The following HTR7 variants were observed in gnomAD, a reference collection of about 807,000 sequenced individuals.
HTR7 encodes the protein 5-HT-7.
Under a neutral mutation model 34.0 loss-of-function variants are expected in HTR7, and 16 were observed. The observed-to-expected ratio is 0.47, with a 90% CI of 0.32 to 0.71. The LOEUF is 0.71. HTR7 is among the 30% of genes least tolerant of loss of function. HTR7 has a pLI of 0.04. For missense variants in HTR7, 504 were observed against 625.5 expected (o/e 0.81, Z 2.07); for synonymous variants, 265 against 260.2 (o/e 1.02, Z -0.18).
In HTR7 at chr10:90,758,811, G is replaced by GA. The variant is rs901667417; in HGVS notation, c.540-9218dup. Among the ~76,000 whole-genome samples the GA allele has an allele frequency of 1.3e-4, 20 of 152,054 alleles. 1 individual carries two copies. The highest frequency in any genetic ancestry group is 2.6e-4 in the Admixed American group (4 of 15,274). ...AAAAAATCAGAAAATATGCAAGGTA[G>GA]AAAAAAAATCAGGCTGATTCTCAAC... On this transcript the variant is annotated intron_variant, in intron 1 of 3. Transcript: ENST00000336152.
Position 90,749,799 on chromosome 10 carries a change from T to C in HTR7, c.540-205A>G, listed in dbSNP as rs1348302627. Among the ~76,000 whole-genome samples the C allele has an allele frequency of 6.6e-6, 1 of 152,230 alleles. No individual in the cohort carries two copies. Among genetic ancestry groups the C allele is most frequent in the Non-Finnish European group, 1.5e-5 (1 of 68,038 alleles). On this transcript the variant is annotated intron_variant, in intron 1 of 3. Transcript: ENST00000336152. This position sits in a 1 kb window ranked among gnomAD's most constrained non-coding sequence, Gnocchi z 4.2. ...GTCACACAGAGGCATTGCCAGATTGTAGCCTGAGAGCCCTCTGACTCTAAA... is the reference window on the plus strand; with the variant it reads ...GTCACACAGAGGCATTGCCAGATTGCAGCCTGAGAGCCCTCTGACTCTAAA...
chr10:90,745,820 T>A (rs550674620), intron 2 of HTR7, among the ~76,000 whole-genome samples: 26 of 152,164 alleles, frequency 1.7e-4, no homozygotes, highest in Non-Finnish European at 3.4e-4. Flanking sequence ...AAATTACTCA[T>A]CAGTGAGATG....
rs1236540862 is a variant in HTR7 at position 90,857,204 on chromosome 10, A to G, written c.468T>C (p.Asn156=). 6.2e-7 allele frequency: 1 copy of G among 1,613,890 alleles called. No homozygotes were observed. The highest frequency in any genetic ancestry group is 8.5e-7 in the Non-Finnish European group (1 of 1,179,982). Residue 156 remains asparagine (N), a synonymous_variant, in exon 1 of 4, where the codon AAT becomes AAC. Transcript: ENST00000336152. The surrounding 1 kb of genome is among the most constrained non-coding windows in gnomAD (Gnocchi z 6.5). ...ACATGACGTCCATGGCGATGAAGAC[A>G]TTACAGAAAAAGTGTCCAAAGATCC... ...GKWIFGHFFC[N]VFIAMDVMCC...
At chr10:90,771,796 C>T (rs1161691782) in intron 1 of HTR7, among the ~76,000 whole-genome samples, 1 of 152,096 alleles carries the variant, frequency 6.6e-6, no homozygotes, top group Non-Finnish European at 1.5e-5. Context: ...CCTGCCAGGC[C>T]GAGTGGGCAG....
intron 1 of HTR7, among the ~76,000 whole-genome samples, chr10:90,819,525 A>C (rs1845946003): frequency 6.6e-6 from 1 of 152,118 alleles, no homozygotes; most frequent in African/African-American, 2.4e-5. Flanking sequence ...TTCTCCTAAA[A>C]TATCCATTGA....
chr10:90,810,083 G>C (rs1845780370), intron 1 of HTR7, among the ~76,000 whole-genome samples: 1 of 152,134 alleles, frequency 6.6e-6, no homozygotes, highest in African/African-American at 2.4e-5. Flanking sequence ...TGACGGCCAG[G>C]TTTCTAAACC....
intron 1 of HTR7, among the ~76,000 whole-genome samples, chr10:90,753,722 G>T (rs915664526): frequency 2.6e-5 from 4 of 151,660 alleles, no homozygotes; most frequent in Admixed American, 2.0e-4. Flanking sequence ...ATCAATAGGA[G>T]ATTAGATATG....
At chr10:90,786,312 T>C (rs1163115714) in intron 1 of HTR7, among the ~76,000 whole-genome samples, 1 of 152,218 alleles carries the variant, frequency 6.6e-6, no homozygotes, top group Non-Finnish European at 1.5e-5. Flanking sequence ...GAAAATGCTG[T>C]GGTTCTCCCC....
At chr10:90,747,849 T>C (rs1844664363) in intron 2 of HTR7, among the ~76,000 whole-genome samples, 1 of 152,214 alleles carries the variant, frequency 6.6e-6, no homozygotes, top group Admixed American at 6.5e-5. Flanking sequence ...ATTTTTCCCC[T>C]GACTTTCAAA....
chr10:90,824,454 T>C (rs926901624), intron 1 of HTR7, among the ~76,000 whole-genome samples: 1 of 152,100 alleles, frequency 6.6e-6, no homozygotes, highest in Non-Finnish European at 1.5e-5. Flanking sequence ...TTCCCAGCTG[T>C]GGTAGCCAAG....
intron 1 of HTR7, among the ~76,000 whole-genome samples, chr10:90,764,112 C>A (rs1844981147): frequency 6.6e-6 from 1 of 152,138 alleles, no homozygotes; most frequent in East Asian, 1.9e-4. Context: ...ACAGGCTCAC[C>A]AGAATCTATT....
chr10:90,804,576 A>G (rs997664618), intron 1 of HTR7, among the ~76,000 whole-genome samples: 1 of 152,054 alleles, frequency 6.6e-6, no homozygotes, highest in Admixed American at 6.5e-5. Flanking sequence ...AGCTGAGCAA[A>G]ACGAGCCACC....
At chr10:90,750,918 G>A (rs1310396354) in intron 1 of HTR7, among the ~76,000 whole-genome samples, 3 of 152,170 alleles carry the variant, frequency 2.0e-5, no homozygotes, top group African/African-American at 7.2e-5. Context: ...TTACTGGACA[G>A]GTTCTGTTCC....
chr10:90,837,446 A>C (rs1256374906), intron 1 of HTR7, among the ~76,000 whole-genome samples: 1 of 152,194 alleles, frequency 6.6e-6, no homozygotes, highest in African/African-American at 2.4e-5. Context: ...TAATGTCACT[A>C]CCATGGGAGT....
At position 90,852,575 on chromosome 10, in the gene HTR7, C is replaced by T. The variant is rs1180715846; in HGVS notation, c.539+4558G>A. On this transcript the variant is annotated intron_variant, in intron 1 of 3. Transcript: ENST00000336152. ...TTCAGAGCAGCACTATTAGAGATAG[C>T]CAGAAACTAGAAAAAAACTCAAATG... 3.9e-5 allele frequency among the ~76,000 whole-genome samples: 6 copies of T among 152,154 alleles called. No individual in the cohort carries two copies. In the East Asian group the frequency reaches 9.6e-4, roughly 24 times the overall value.
chr10:90,749,279 G>A lies in HTR7; in HGVS notation c.855C>T (p.Ser285=), dbSNP rs756950797. ...FPGFPRVEPD[S]VIALNGIVKL... is the part of the protein sequence containing the mutation. ...TCACTATGCCATTCAGGGCGATGACGCTGTCTGGCTCCACTCGAGGGAAGC... is the reference window on the plus strand; with the variant it reads ...TCACTATGCCATTCAGGGCGATGACACTGTCTGGCTCCACTCGAGGGAAGC... The change falls in exon 2 of 4, where the codon AGC becomes AGT. Residue 285 remains serine, a synonymous_variant. Transcript: ENST00000336152. The surrounding 1 kb of genome is among the most constrained non-coding windows in gnomAD (Gnocchi z 4.2). 17 of 1,613,998 alleles carry A rather than the reference G, an allele frequency of 1.1e-5. No homozygotes were observed. The East Asian group carries it at 2.7e-4, about 25-fold the overall frequency.
At chr10:90,824,334 A>T (rs1846034964) in intron 1 of HTR7, among the ~76,000 whole-genome samples, 1 of 152,232 alleles carries the variant, frequency 6.6e-6, no homozygotes, top group Non-Finnish European at 1.5e-5. Context: ...TAACCTCCTG[A>T]CTAAAGAGCC....
intron 1 of HTR7, among the ~76,000 whole-genome samples, chr10:90,755,628 G>A (rs530334338): frequency 2.3e-4 from 35 of 152,136 alleles, no homozygotes; most frequent in African/African-American, 7.2e-4. Flanking sequence ...TTAACATCAC[G>A]AGTCATGACA....
chr10:90,817,972 T>C (rs1031155498), intron 1 of HTR7, among the ~76,000 whole-genome samples: 4 of 152,154 alleles, frequency 2.6e-5, no homozygotes, highest in Non-Finnish European at 5.9e-5. Context: ...AAAGAATACA[T>C]ATTTTATGAG....
Sources: gnomAD v4.1 joint callset for allele counts (sites outside exome capture counted in the v4.1 genomes callset) on GRCh38, gnomAD v4.1.1 for gene constraint, Gnocchi (gnomAD v3.1) non-coding constraint, MANE v1.5 for transcripts, NCBI Gene and HGNC (gene_info 2026-07-23, HGNC 2026-07-21) for gene names.